The following EDEM1 variants were observed in gnomAD, a reference collection of about 807,000 sequenced individuals.
EDEM1 encodes the protein ER degradation-enhancing alpha-mannosidase-like protein 1.
A neutral mutation model predicts 74.4 loss-of-function variants in EDEM1; 67 were observed. The observed-to-expected ratio is 0.90, with a 90% CI of 0.74 to 1.10. EDEM1 has a LOEUF of 1.10. EDEM1 is among the 50% of genes least tolerant of loss of function. EDEM1 has a pLI of 0.00. For synonymous variants in EDEM1, 382 were observed against 335.9 expected (o/e 1.14, Z -1.50); for missense variants, 926 against 851.6 (o/e 1.09, Z -1.09).
chr3:5,195,706 G>T (rs1227070922), intron 2 of EDEM1, among the ~76,000 whole-genome samples: 1 of 152,168 alleles, frequency 6.6e-6, no homozygotes, highest in African/African-American at 2.4e-5. Context: ...GAGCCCTAGC[G>T]CCCATCCTTA....
chr3:5,188,059 A>G lies in EDEM1; in HGVS notation c.254A>G (p.Lys85Arg). ...ACCGGGGCAGCGCAGAGCCCGCGCAAGGCTCCGCGGCGTCCTGGGCCGGGG... is the reference window on the plus strand; with the variant it reads ...ACCGGGGCAGCGCAGAGCCCGCGCAGGGCTCCGCGGCGTCCTGGGCCGGGG... Reference protein sequence around the residue: ...PGTGAAQSPRKAPRRPGPGMC... With the variant: ...PGTGAAQSPRRAPRRPGPGMC... Residue 85 changes from lysine to arginine, a missense_variant, in exon 1 of 12, where the codon AAG becomes AGG. Lys to Arg is a conservative substitution (Grantham distance 26, BLOSUM62 2). Transcript: ENST00000256497. The G allele has an allele frequency of 7.0e-7, 1 of 1,436,672 alleles. No individual in the cohort carries two copies. The highest frequency in any genetic ancestry group is 9.1e-7 in the Non-Finnish European group (1 of 1,096,878). The allele number at this position is 1,436,672 out of a possible 1,614,324, so 89.0% of individuals were successfully genotyped here.
intron 2 of EDEM1, among the ~76,000 whole-genome samples, chr3:5,198,662 C>CTTTTT (rs57260414): frequency 2.9e-4 from 22 of 75,156 alleles, no homozygotes; most frequent in African/African-American, 9.6e-4. Flanking sequence ...ACGTATATAG[C>CTTTTT]TTTTTTTTTT....
At chr3:5,211,505 C>T (rs2055167448) in intron 10 of EDEM1, 2 of 324,276 alleles carry the variant, frequency 6.2e-6, no homozygotes, top group East Asian at 1.3e-4. Context: ...CTGTATCTAA[C>T]TACAGGTGGT....
At chr3:5,214,431 T>C (rs2055206003) in intron 11 of EDEM1, among the ~76,000 whole-genome samples, 1 of 152,122 alleles carries the variant, frequency 6.6e-6, no homozygotes, top group Non-Finnish European at 1.5e-5. Flanking sequence ...AGTAAATCGA[T>C]AGGCCAGAGT....
At position 5,209,617 on chromosome 3, in the gene EDEM1, G is replaced by A. The variant is rs78715985; in HGVS notation, c.1510-558G>A. Among the ~76,000 whole-genome samples, 373 of 152,322 alleles carry A rather than the reference G, an allele frequency of 2.4e-3. 17 individuals are homozygous for A. In the East Asian group the frequency reaches 0.061, roughly 25 times the overall value. ...GATAAAGGCTTATCTTCCCAGAGAA[G>A]TTTTTCTCTAGTAAAACCATCTAAG... On this transcript the variant is annotated intron_variant, in intron 8 of 11. Coordinates refer to ENST00000256497, the MANE Select transcript of EDEM1 (RefSeq NM_014674.3).
intron 5 of EDEM1, among the ~76,000 whole-genome samples, chr3:5,204,269 C>T (rs1474848721): frequency 6.6e-6 from 1 of 152,096 alleles, no homozygotes; most frequent in Non-Finnish European, 1.5e-5. Context: ...TTTGATTCTG[C>T]CTGACATTTG....
intron 2 of EDEM1, 95 bp downstream of exon 2, chr3:5,195,376 A>G: frequency 1.7e-6 from 1 of 590,308 alleles, no homozygotes; most frequent in Non-Finnish European, 2.7e-6. Context: ...AGGGAGCCTG[A>G]TAAGTCAAAA....
chr3:5,205,097 G>A lies in EDEM1; in HGVS notation c.1073G>A (p.Trp358Ter). Residue 358 changes from tryptophan (W) to a stop codon, truncating the protein, a stop_gained, in exon 6 of 12, where the codon TGG becomes TAG. Coordinates refer to ENST00000256497, the MANE Select transcript of EDEM1 (RefSeq NM_014674.3). LOFTEE classifies it high-confidence loss of function. ...GNVVNIQTGH[W>*]VGKQSGLGAG... ...GTCGTGAACATTCAGACGGGCCACTGGGTTGGAAAGCAGAGTGGCCTGGGT... is the reference window on the plus strand; with the variant it reads ...GTCGTGAACATTCAGACGGGCCACTAGGTTGGAAAGCAGAGTGGCCTGGGT... The A allele has an allele frequency of 6.2e-7, 1 of 1,614,176 alleles. No homozygotes were observed.
chr3:5,201,126 G>A (rs1248914705), intron 3 of EDEM1, among the ~76,000 whole-genome samples: 2 of 151,048 alleles, frequency 1.3e-5, no homozygotes, highest in Non-Finnish European at 2.9e-5. Flanking sequence ...AATACTAATA[G>A]GTAATATTTA....
In EDEM1 at chr3:5,199,726, G is replaced by A. The variant is rs1242720390; in HGVS notation, c.686+31G>A. On this transcript the variant is annotated intron_variant, in intron 3 of 11. Transcript: ENST00000256497. Reference sequence around the variant, plus strand: ...ATAATGAATATTCATAAAATGAATTGGAGACTTCTTTTTATGTGTTTAAAG... The same window carrying A: ...ATAATGAATATTCATAAAATGAATTAGAGACTTCTTTTTATGTGTTTAAAG... 1.1e-5 allele frequency: 17 copies of A among 1,556,052 alleles called. No homozygotes were observed. In the Middle Eastern group the frequency reaches 5.1e-4, roughly 47 times the overall value.
intron 9 of EDEM1, among the ~76,000 whole-genome samples, chr3:5,210,783 A>T (rs1392130261): frequency 6.6e-6 from 1 of 152,118 alleles, no homozygotes; most frequent in Non-Finnish European, 1.5e-5. Flanking sequence ...CTCAATAATA[A>T]GTCAATTCTA....
At chr3:5,195,314 T>A in intron 2 of EDEM1, 33 bp downstream of exon 2, 1 of 1,414,340 alleles carries the variant, frequency 7.1e-7, no homozygotes, top group Non-Finnish European at 9.5e-7. Flanking sequence ...AAAAATGAAT[T>A]AAGATGTTTT....
chr3:5,213,478 A>C lies in EDEM1; in HGVS notation c.1840A>C (p.Arg614=). 1 of 1,614,036 alleles carries C rather than the reference A, an allele frequency of 6.2e-7. No individual in the cohort carries two copies. The highest frequency in any genetic ancestry group is 8.5e-7 in the Non-Finnish European group (1 of 1,179,944). The change falls in exon 11 of 12, where the codon AGG becomes CGG. Residue 614 remains arginine (R), a synonymous_variant. Transcript: ENST00000256497. ...GGACCAAGGGGGAAAGTCTGTGCAC[A>C]GGCCGAAACCTCATGAGTTAAAAGT... ...GQDQGGKSVH[R]PKPHELKVIN...
intron 1 of EDEM1, chr3:5,189,488 C>T (rs1405099030): frequency 6.6e-6 from 1 of 152,252 alleles, no homozygotes; most frequent in Non-Finnish European, 1.5e-5. Flanking sequence ...TCTAGGAAAC[C>T]GATGAGTTTT....
intron 10 of EDEM1, among the ~76,000 whole-genome samples, chr3:5,212,910 C>T (rs2106610391): frequency 1.3e-5 from 2 of 152,312 alleles, no homozygotes; most frequent in South Asian, 4.1e-4. Flanking sequence ...AACTTGGTCC[C>T]TCCCTGTCAG....
At chr3:5,201,001 A>G (rs1311028128) in intron 3 of EDEM1, among the ~76,000 whole-genome samples, 1 of 150,750 alleles carries the variant, frequency 6.6e-6, no homozygotes, top group African/African-American at 2.4e-5. Context: ...GGCTCAAGCG[A>G]TCCTCCCACC....
rs773958229 is a variant in EDEM1, at chr3:5,201,782, GAAT to G, written c.722_724del (p.Ile241del). 5 of 1,614,112 alleles carry G rather than the reference GAAT, an allele frequency of 3.1e-6. No homozygotes were observed. Among genetic ancestry groups the G allele is most frequent in the Non-Finnish European group, 4.2e-6 (5 of 1,180,022 alleles). On this transcript the variant is annotated inframe_deletion, in exon 4 of 12. Transcript: ENST00000256497. ...CTGGGAAGCCTCCTTTCTGCTCACA[GAAT>G]AATAACTGACTCCAAGCAGCCCTTT...
rs554887656 is a variant in EDEM1, at chr3:5,210,714, GTTTT to G, written c.1584-398_1584-395del. Among the ~76,000 whole-genome samples, 9 of 146,916 alleles carry G rather than the reference GTTTT, an allele frequency of 6.1e-5. No homozygotes were observed. The East Asian group carries it at 1.8e-3, about 29-fold the overall frequency. ...ACATGCTTTTTTTTACCTGCTGTAA[GTTTT>G]TTTTTTTAAGTACTATCTTAAATAA... On this transcript the variant is annotated intron_variant, in intron 9 of 11. Coordinates refer to ENST00000256497, the MANE Select transcript of EDEM1 (RefSeq NM_014674.3).
rs535739599 is a variant in EDEM1 at position 5,216,831 on chromosome 3, C to T, written c.*913C>T. The T allele has an allele frequency of 9.8e-5, 15 of 152,768 alleles. No individual in the cohort carries two copies. The highest frequency in any genetic ancestry group is 3.6e-4 in the African/African-American group (15 of 41,572). The allele number at this position is 152,768 out of a possible 1,614,324, so 9.5% of individuals were successfully genotyped here. ...GTGCCTTTTAGGGAGAGAACAATAC[C>T]TAAGATTGTCTGAGCTTCCATCTTT... is the stretch of plus-strand genomic sequence containing the variant. On this transcript the variant is annotated 3_prime_UTR_variant, in exon 12 of 12. Coordinates refer to ENST00000256497, the MANE Select transcript of EDEM1 (RefSeq NM_014674.3).
Sources: gnomAD v4.1 joint callset for allele counts (sites outside exome capture counted in the v4.1 genomes callset) on GRCh38, gnomAD v4.1.1 for gene constraint, MANE v1.5 for transcripts, NCBI Gene and HGNC (gene_info 2026-07-23, HGNC 2026-07-21) for gene names.